Variants in IRX6 observed in about 807,000 individuals in gnomAD.
The protein encoded by IRX6 is iroquois homeobox 6.
In IRX6, 46 loss-of-function variants were observed where a neutral mutation model predicts 47.7. The ratio of observed to expected loss-of-function variants is 0.96; its 90% CI spans 0.76 to 1.23. IRX6 has a LOEUF of 1.23. IRX6 is among the 50% of genes most tolerant of loss of function. The probability of loss-of-function intolerance (pLI) is 0.00; values close to 1 mark genes in which losing one functional copy is unlikely to be tolerated. For missense variants in IRX6, 722 were observed against 588.0 expected (o/e 1.23, Z -2.36); for synonymous variants, 265 against 246.2 (o/e 1.08, Z -0.72).
Position 55,328,954 on chromosome 16 carries a change from G to A in IRX6, c.976G>A (p.Glu326Lys). ...FSFNDPSGSE[E>K]ADFLSAETGS... ...CTTCAATGACCCTTCCGGATCGGAA[G>A]AAGCTGACTTCCTCTCGGCGGAGAC... The change falls in exon 5 of 6, where the codon GAA becomes AAA. Residue 326 changes from glutamate (E) to lysine (K), a missense_variant. Physicochemically the swap from Glu to Lys is moderately conservative, Grantham distance 56. Coordinates refer to ENST00000290552, the MANE Select transcript of IRX6 (RefSeq NM_024335.3). The A allele has an allele frequency of 6.2e-7, 1 of 1,613,650 alleles. No homozygotes were observed. The highest frequency in any genetic ancestry group is 8.5e-7 in the Non-Finnish European group (1 of 1,180,038).
chr16:55,325,502 G>GAAA (rs1567338470), intron 1 of IRX6, among the ~76,000 whole-genome samples: 2 of 24,502 alleles, frequency 8.2e-5, no homozygotes, highest in Non-Finnish European at 1.5e-4. Flanking sequence ...AAGGAAGGAA[G>GAAA]GAAGGAAGGA....
intron 3 of IRX6, 73 bp downstream of exon 3, chr16:55,327,478 C>T (rs1347143445): frequency 2.6e-5 from 40 of 1,562,236 alleles, no homozygotes; most frequent in South Asian, 3.4e-5. Flanking sequence ...GGGTGGATGG[C>T]GGCAGGGGAG....
In IRX6 at chr16:55,329,059, A is replaced by T. The variant is rs143542273; in HGVS notation, c.1081A>T (p.Ser361Cys). 74 of 1,614,010 alleles carry T rather than the reference A, an allele frequency of 4.6e-5. No homozygotes were observed. In the African/African-American group the frequency reaches 8.0e-4, roughly 17 times the overall value. ...IWSLAHTATA[S>C]AVEGAPPARP... is the part of the protein sequence containing the mutation. Reference sequence around the variant, plus strand: ...GTCTCTGGCGCACACCGCGACAGCCAGCGCTGTTGAAGGTGCACCCCCAGC... The same window carrying T: ...GTCTCTGGCGCACACCGCGACAGCCTGCGCTGTTGAAGGTGCACCCCCAGC... Residue 361 changes from serine to cysteine, a missense_variant, in exon 5 of 6, where the codon AGC becomes TGC. Ser to Cys is a moderately radical substitution (Grantham distance 112, BLOSUM62 -1). Transcript: ENST00000290552.
At chr16:55,329,341 T>C (rs1960602413) in intron 5 of IRX6, 30 bp downstream of exon 5, 4 of 1,571,528 alleles carry the variant, frequency 2.5e-6, no homozygotes, top group South Asian at 2.3e-5. Flanking sequence ...GCTGGGAGTA[T>C]CTATGCAAAA....
intron 4 of IRX6, 60 bp downstream of exon 4, chr16:55,327,953 C>T: frequency 1.3e-6 from 2 of 1,507,096 alleles, no homozygotes; most frequent in South Asian, 1.3e-5. Context: ...GCAGTTTGGT[C>T]TTTCAAAAGC....
In IRX6 at chr16:55,327,988, A is replaced by G. The variant is rs183127810; in HGVS notation, c.721+95A>G. The G allele has an allele frequency of 3.2e-3, 4,166 of 1,286,530 alleles. 24 individuals carry two copies. Among genetic ancestry groups the G allele is most frequent in the Middle Eastern group, 0.017 (62 of 3,590 alleles). 79.7% of individuals were successfully genotyped at this position (1,286,530 alleles called of 1,614,324 possible). ...CTGCCCTGTAGGGTAGATTTTCTGG[A>G]AGGTCCTCAGACTTACCCTTGCACT... On this transcript the variant is annotated intron_variant, in intron 4 of 5. Transcript: ENST00000290552.
chr16:55,327,299 C>A lies in IRX6; in HGVS notation c.307C>A (p.Pro103Thr), dbSNP rs780365833. The A allele has an allele frequency of 6.2e-7, 1 of 1,610,572 alleles. No homozygotes were observed. Among genetic ancestry groups the A allele is most frequent in the Middle Eastern group, 1.7e-4 (1 of 6,060 alleles). ...TTCTCTTTTCCTCTCCCTCTAGAAT[C>A]CACAGTATGAATTTAAGGAGGCTGC... ...EPPSLYGALN[P>T]QYEFKEAAGS... is the part of the protein sequence containing the mutation. The change falls in exon 3 of 6, where the codon CCA (proline) becomes ACA (threonine). Residue 103 changes from proline (P) to threonine (T), a missense_variant. Physicochemically the swap from Pro to Thr is conservative, Grantham distance 38 (BLOSUM62 -1). Transcript: ENST00000290552.
In IRX6 at chr16:55,324,930, C is replaced by T. The variant is rs1960482077; in HGVS notation, c.-162C>T. ...AGCGCAGGGCTCGGCAGCCGGGCTG[C>T]CCTCGGCTCTGCCTCCACTGGGGCC... On this transcript the variant is annotated 5_prime_UTR_variant, in exon 1 of 6. Coordinates refer to ENST00000290552, the MANE Select transcript of IRX6 (RefSeq NM_024335.3). The surrounding 1 kb of genome is among the most constrained non-coding windows in gnomAD (Gnocchi z 4.4). 1.0e-5 allele frequency: 7 copies of T among 701,824 alleles called. No individual in the cohort carries two copies. In the South Asian group the frequency reaches 1.1e-4, roughly 11 times the overall value. 43.5% of individuals were successfully genotyped at this position (701,824 alleles called of 1,614,324 possible). A position where few individuals can be genotyped will look rare whatever the true frequency, so the allele number is the denominator to read the frequency against.
chr16:55,329,741 A>G (rs1457962155), intron 5 of IRX6, among the ~76,000 whole-genome samples: 1 of 152,200 alleles, frequency 6.6e-6, no homozygotes, highest in African/African-American at 2.4e-5. Context: ...GGCAGGCACC[A>G]GGGCTTTTAG....
Position 55,329,042 on chromosome 16 carries a change from C to A in IRX6, c.1064C>A (p.Ala355Glu), listed in dbSNP as rs1430985734. The A allele has an allele frequency of 3.1e-6, 5 of 1,613,974 alleles. No individual in the cohort carries two copies. Among genetic ancestry groups the A allele is most frequent in the East Asian group, 2.2e-5 (1 of 44,872 alleles). Residue 355 changes from alanine to glutamate, a missense_variant, in exon 5 of 6, where the codon GCG (alanine) becomes GAG (glutamate). By Grantham distance (107) the Ala-to-Glu change is moderately radical (BLOSUM62 -1). Coordinates refer to ENST00000290552, the MANE Select transcript of IRX6 (RefSeq NM_024335.3). ...CLEKPRIWSL[A>E]HTATASAVEG... ...GAGAAACCGCGCATCTGGTCTCTGG[C>A]GCACACCGCGACAGCCAGCGCTGTT...
rs1245309237 is a variant in IRX6, at chr16:55,326,441, C to T, written c.151C>T (p.Pro51Ser). The stretch of plus-strand genomic sequence containing the variant: ...CCCAGCGCCCGCTCTCTGCTGCGCA[C>T]CCTACGATAGTCGACTGCTGGGCAG... ...STPAPALCCA[P>S]YDSRLLGSAR... The change falls in exon 2 of 6, where the codon CCC (proline) becomes TCC (serine). Residue 51 changes from proline to serine, a missense_variant. Transcript: ENST00000290552. The T allele has an allele frequency of 6.2e-7, 1 of 1,613,942 alleles. No individual in the cohort carries two copies.
At position 55,330,335 on chromosome 16, in the gene IRX6, T is replaced by C; in HGVS notation, c.*30T>C. On this transcript the variant is annotated 3_prime_UTR_variant, in exon 6 of 6. Transcript: ENST00000290552. ...ATGGCTGCGATTTGCGAAAGAATCT[T>C]GGAAATGGGCCCCACGTTTCGAATT... 1 of 1,611,742 alleles carries C rather than the reference T, an allele frequency of 6.2e-7. No homozygotes were observed. The highest frequency in any genetic ancestry group is 1.1e-5 in the South Asian group (1 of 91,032).
At chr16:55,325,226 T>A in intron 1 of IRX6, 90 bp downstream of exon 1, 1 of 1,295,196 alleles carries the variant, frequency 7.7e-7, no homozygotes, top group Non-Finnish European at 1.1e-6. Context: ...CCTCCTCTTG[T>A]GTTCTGGGGG....
intron 1 of IRX6, 96 bp from the exon 2 acceptor site, chr16:55,326,240 T>G: frequency 9.1e-7 from 1 of 1,099,454 alleles, no homozygotes; most frequent in Non-Finnish European, 1.3e-6. Context: ...ATTATCTGAT[T>G]TTCTCTTCTT....
chr16:55,330,488 T>G lies in IRX6; in HGVS notation c.*183T>G. 1.5e-6 allele frequency: 1 copy of G among 654,608 alleles called. No homozygotes were observed. The highest frequency in any genetic ancestry group is 2.7e-6 in the Non-Finnish European group (1 of 367,092). The allele number at this position is 654,608 out of a possible 1,614,324, so 40.5% of individuals were successfully genotyped here. On this transcript the variant is annotated 3_prime_UTR_variant, in exon 6 of 6. Coordinates refer to ENST00000290552, the MANE Select transcript of IRX6 (RefSeq NM_024335.3). ...CGCAGAGCTGGGGTGGTGGGCCGAC[T>G]TGAACCTTAGCAGTCCCCACGGGAG... is the stretch of plus-strand genomic sequence containing the variant.
Position 55,324,745 on chromosome 16 carries a change from A to C in IRX6, c.-347A>C, listed in dbSNP as rs1176072101. On this transcript the variant is annotated 5_prime_UTR_variant, in exon 1 of 6. Coordinates refer to ENST00000290552, the MANE Select transcript of IRX6 (RefSeq NM_024335.3). The surrounding 1 kb of genome is among the most constrained non-coding windows in gnomAD (Gnocchi z 4.4). The stretch of plus-strand genomic sequence containing the variant: ...GTGACGTCACATTGAGCCTCTGGCC[A>C]CCTTGGACTGGGACACCTCCGGAGC... The C allele has an allele frequency of 3.0e-6, 1 of 332,968 alleles. No homozygotes were observed. Among genetic ancestry groups the C allele is most frequent in the Non-Finnish European group, 5.6e-6 (1 of 178,330 alleles). The allele number at this position is 332,968 out of a possible 1,614,324, so 20.6% of individuals were successfully genotyped here.
Position 55,325,059 on chromosome 16 carries a change from A to T in IRX6, c.-33A>T, listed in dbSNP as rs1477368320. 6.2e-7 allele frequency: 1 copy of T among 1,612,780 alleles called. No individual in the cohort carries two copies. The highest frequency in any genetic ancestry group is 1.7e-5 in the Admixed American group (1 of 60,030). On this transcript the variant is annotated 5_prime_UTR_variant, in exon 1 of 6. Transcript: ENST00000290552. ...AGCTGGGCTGAGACGGGAACTCGAC[A>T]GGGAAGAGAGAGACGGGCCAGGGAC...
chr16:55,330,323 G>A lies in IRX6; in HGVS notation c.*18G>A. 1 of 1,613,378 alleles carries A rather than the reference G, an allele frequency of 6.2e-7. No individual in the cohort carries two copies. The highest frequency in any genetic ancestry group is 8.5e-7 in the Non-Finnish European group (1 of 1,179,312). The stretch of plus-strand genomic sequence containing the variant: ...CAGGTTAGCGCAATGGCTGCGATTT[G>A]CGAAAGAATCTTGGAAATGGGCCCC... On this transcript the variant is annotated 3_prime_UTR_variant, in exon 6 of 6. Transcript: ENST00000290552.
intron 4 of IRX6, 30 bp from the exon 5 acceptor site, chr16:55,328,670 C>A: frequency 6.2e-7 from 1 of 1,607,132 alleles, no homozygotes; most frequent in East Asian, 2.2e-5. Context: ...GGCCCTGGGG[C>A]TTTTCTCACT....
Sources: allele counts gnomAD v4.1 joint callset (sites outside exome capture counted in the v4.1 genomes callset), GRCh38; gene constraint gnomAD v4.1.1; non-coding constraint Gnocchi (gnomAD v3.1); transcripts MANE v1.5; gene names NCBI Gene and HGNC (gene_info 2026-07-23, HGNC 2026-07-21).